Variants in ADAMTS6 observed in about 807,000 individuals in gnomAD.
ADAMTS6 encodes ADAM metallopeptidase with thrombospondin type 1 motif 6.
A neutral mutation model predicts 144.3 loss-of-function variants in ADAMTS6; 23 were observed. The observed-to-expected ratio is 0.16, with a 90% CI of 0.11 to 0.23. The LOEUF is 0.23. Among genes scored for constraint, ADAMTS6 ranks in the 10% least tolerant of loss-of-function variants. The pLI is 1.00. For missense variants in ADAMTS6, 999 were observed against 1,379.6 expected, an observed-to-expected ratio of 0.72 and a Z score of 4.37; for synonymous variants, 444 against 457.5, an observed-to-expected ratio of 0.97 and a Z score of 0.38.
At chr5:65,166,048 A>C (rs1344697625) in intron 24 of ADAMTS6, among the ~76,000 whole-genome samples, 2 of 147,770 alleles carry the variant, frequency 1.4e-5, no homozygotes, top group East Asian at 2.0e-4. Flanking sequence ...CTTTAAATGT[A>C]AATGGACTAA....
intron 3 of ADAMTS6, among the ~76,000 whole-genome samples, chr5:65,465,654 G>A (rs983412998): frequency 2.0e-5 from 3 of 152,010 alleles, no homozygotes; most frequent in African/African-American, 4.8e-5. Flanking sequence ...CTTTTGTCAG[G>A]GTCACCAATA....
intron 11 of ADAMTS6, among the ~76,000 whole-genome samples, chr5:65,275,620 G>C (rs1369317656): frequency 6.6e-6 from 1 of 151,110 alleles, no homozygotes; most frequent in Non-Finnish European, 1.5e-5. Context: ...TATAGAAGAA[G>C]GTTTTTAAAC....
chr5:65,179,952 G>GCACACA (rs1310550201), intron 22 of ADAMTS6, among the ~76,000 whole-genome samples: 11 of 83,716 alleles, frequency 1.3e-4, no homozygotes, highest in African/African-American at 5.7e-4. Flanking sequence ...ACATGTGCAC[G>GCACACA]CACGCGCACA....
intron 22 of ADAMTS6, among the ~76,000 whole-genome samples, chr5:65,187,543 C>T (rs186174246): frequency 4.3e-4 from 65 of 152,168 alleles, no homozygotes; most frequent in African/African-American, 1.3e-3. Flanking sequence ...CTAAGAGTTA[C>T]GTAATTAGGC....
At chr5:65,480,135 C>T (rs1406305192) in intron 1 of ADAMTS6, among the ~76,000 whole-genome samples, 5 of 152,154 alleles carry the variant, frequency 3.3e-5, no homozygotes, top group African/African-American at 1.2e-4. Context: ...GTCATCCCCA[C>T]ATCTAAACAT....
rs557866246 is a variant in ADAMTS6, at chr5:65,291,429, C to G, written c.1412G>C (p.Arg471Pro). ...GTCLDNEPPK[R>P]DFLYPAVAPG... ...GGCCACAGCTGGATAAAGAAAGTCA[C>G]GCTTGGGAGGCTCATTATCAAGGCA... The change falls in exon 11 of 25, where the codon CGT (arginine) becomes CCT (proline). Residue 471 changes from arginine (R) to proline (P), a missense_variant. Physicochemically the swap from Arg to Pro is moderately radical, Grantham distance 103. This residue lies in a region of ADAMTS6 where 619 missense variants were observed against 837.0 expected (regional missense o/e 0.74). Coordinates refer to ENST00000381055, the MANE Select transcript of ADAMTS6 (RefSeq NM_197941.4). The G allele has an allele frequency of 6.2e-7, 1 of 1,613,760 alleles. No individual in the cohort carries two copies. Among genetic ancestry groups the G allele is most frequent in the East Asian group, 2.2e-5 (1 of 44,850 alleles).
At chr5:65,278,255 T>C (rs937030478) in intron 11 of ADAMTS6, among the ~76,000 whole-genome samples, 3 of 152,210 alleles carry the variant, frequency 2.0e-5, no homozygotes, top group Non-Finnish European at 4.4e-5. Context: ...TTCCACATCT[T>C]TGCAATTGTG....
chr5:65,309,126 G>C (rs974855381), intron 9 of ADAMTS6, among the ~76,000 whole-genome samples: 1 of 152,072 alleles, frequency 6.6e-6, no homozygotes, highest in African/African-American at 2.4e-5. Flanking sequence ...TGGTGGCGGG[G>C]GGGTGGTGGT....
At chr5:65,293,750 G>T (rs6875601) in intron 10 of ADAMTS6, among the ~76,000 whole-genome samples, 2,464 of 152,122 alleles carry the variant, frequency 0.016, 69 homozygotes, top group African/African-American at 0.056. Context: ...AGAATGCCAT[G>T]AACTGCAGGC....
chr5:65,326,733 G>A (rs1746210667), intron 9 of ADAMTS6, among the ~76,000 whole-genome samples: 2 of 151,990 alleles, frequency 1.3e-5, no homozygotes, highest in South Asian at 4.1e-4. Flanking sequence ...AAATATATTG[G>A]ATATATTTAC....
rs186352715 is a variant in ADAMTS6 at position 65,303,994 on chromosome 5, T to C, written c.1224-3863A>G. On this transcript the variant is annotated intron_variant, in intron 9 of 24. Transcript: ENST00000381055. ...GGTACATGATTTTTAAAAAATCAGA[T>C]GTATGTAAGCCAACAGATTTTAAAA... Among the ~76,000 whole-genome samples the C allele has an allele frequency of 6.1e-3, 923 of 152,338 alleles. 5 individuals are homozygous for C. Among genetic ancestry groups the C allele is most frequent in the Non-Finnish European group, 9.5e-3 (644 of 68,014 alleles).
intron 24 of ADAMTS6, among the ~76,000 whole-genome samples, chr5:65,158,005 T>C (rs563631618): frequency 6.6e-6 from 1 of 152,304 alleles, no homozygotes; most frequent in Admixed American, 6.5e-5. Flanking sequence ...TTTCTTTTTA[T>C]TTAGTCTTAT....
chr5:65,307,811 G>A (rs938572458), intron 9 of ADAMTS6, among the ~76,000 whole-genome samples: 1 of 152,156 alleles, frequency 6.6e-6, no homozygotes, highest in African/African-American at 2.4e-5. Context: ...TTATATCCCA[G>A]TCTGAGAAAC....
At chr5:65,263,108 T>G in intron 12 of ADAMTS6, 146 bp from the exon 13 acceptor site, 1 of 1,020,332 alleles carries the variant, frequency 9.8e-7, no homozygotes, top group Non-Finnish European at 1.4e-6. Flanking sequence ...TAACTGTGTT[T>G]AGACACTGGT....
chr5:65,436,610 T>C (rs1341306899), intron 7 of ADAMTS6, among the ~76,000 whole-genome samples: 2 of 152,028 alleles, frequency 1.3e-5, no homozygotes, highest in African/African-American at 4.8e-5. Context: ...CCGAGGTGGG[T>C]GGATCACCTG....
intron 9 of ADAMTS6, among the ~76,000 whole-genome samples, chr5:65,324,327 A>C (rs1745956366): frequency 6.6e-6 from 1 of 152,178 alleles, no homozygotes; most frequent in African/African-American, 2.4e-5. Context: ...AAAAGCTAGA[A>C]GTATAAATCT....
At chr5:65,197,331 A>C (rs545878955) in intron 20 of ADAMTS6, among the ~76,000 whole-genome samples, 180 bp from the exon 21 acceptor site, 1 of 152,220 alleles carries the variant, frequency 6.6e-6, no homozygotes, top group Non-Finnish European at 1.5e-5. Flanking sequence ...AATTTTAGGC[A>C]AAGTTATTTT....
chr5:65,456,946 CAT>C (rs1759257760), intron 4 of ADAMTS6, among the ~76,000 whole-genome samples: 1 of 152,114 alleles, frequency 6.6e-6, no homozygotes, highest in Admixed American at 6.5e-5. Context: ...AGGGGGTTTT[CAT>C]ATCTTATATT....
chr5:65,300,245 G>C lies in ADAMTS6; in HGVS notation c.1224-114C>G. ...CTTATCAACATATGCCTTCCATCAG[G>C]ATAGGCCAGATCCTCTAAAGAAATT... On this transcript the variant is annotated intron_variant, in intron 9 of 24. Transcript: ENST00000381055. 6 of 894,232 alleles carry C rather than the reference G, an allele frequency of 6.7e-6. No individual in the cohort carries two copies. The South Asian group carries it at 1.1e-4, about 16-fold the overall frequency. 55.4% of individuals were successfully genotyped at this position (894,232 alleles called of 1,614,324 possible).
Sources: gnomAD v4.1 joint callset for allele counts (sites outside exome capture counted in the v4.1 genomes callset) on GRCh38, gnomAD v4.1.1 for gene constraint, gnomAD v4.1.1 regional missense constraint, MANE v1.5 for transcripts, NCBI Gene and HGNC (gene_info 2026-07-23, HGNC 2026-07-21) for gene names.